The following TCERG1L variants were observed in gnomAD, a reference collection of about 807,000 sequenced individuals.
TCERG1L encodes transcription elongation regulator 1-like protein.
Under a neutral mutation model 56.3 loss-of-function variants are expected in TCERG1L, and 37 were observed. That is an observed-to-expected ratio of 0.66 (90% CI 0.51 to 0.87). The LOEUF (loss-of-function observed/expected upper bound fraction) is 0.87. TCERG1L is among the 40% of genes least tolerant of loss of function. The pLI is 0.00. For synonymous variants in TCERG1L, 324 were observed against 326.3 expected, an observed-to-expected ratio of 0.99 and a Z score of 0.08; for missense variants, 799 against 774.2, an observed-to-expected ratio of 1.03 and a Z score of -0.38.
intron 4 of TCERG1L, among the ~76,000 whole-genome samples, chr10:131,247,618 TG>T (rs1475598815): frequency 3.9e-5 from 6 of 152,300 alleles, no homozygotes; most frequent in African/African-American, 1.4e-4. Flanking sequence ...AAAAGAACCC[TG>T]GAAGAATAAC....
At chr10:131,292,802 G>A (rs1490367475) in intron 3 of TCERG1L, among the ~76,000 whole-genome samples, 5 of 149,960 alleles carry the variant, frequency 3.3e-5, no homozygotes, top group Non-Finnish European at 5.9e-5. Context: ...TTTTTTTCAT[G>A]TAATGTGTTT....
chr10:131,291,199 T>G (rs1846617056), intron 3 of TCERG1L, among the ~76,000 whole-genome samples: 1 of 152,082 alleles, frequency 6.6e-6, no homozygotes, highest in Non-Finnish European at 1.5e-5. Flanking sequence ...CTGTCATATA[T>G]AACAATGATT....
At chr10:131,274,433 A>G (rs559213451) in intron 3 of TCERG1L, among the ~76,000 whole-genome samples, 1 of 152,302 alleles carries the variant, frequency 6.6e-6, no homozygotes, top group Non-Finnish European at 1.5e-5. Context: ...TCTTGGCTTT[A>G]GGACTCTTTC....
intron 5 of TCERG1L, among the ~76,000 whole-genome samples, 194 bp downstream of exon 5, chr10:131,166,603 G>C (rs1272754541): frequency 6.6e-6 from 1 of 152,234 alleles, no homozygotes; most frequent in Non-Finnish European, 1.5e-5. Flanking sequence ...AGATCTGGCA[G>C]GACCAGCAAG....
chr10:131,130,611 C>A (rs1282974207), intron 8 of TCERG1L, among the ~76,000 whole-genome samples: 2 of 152,240 alleles, frequency 1.3e-5, no homozygotes, highest in African/African-American at 2.4e-5. Flanking sequence ...AAGTGATGAT[C>A]ACGCTGAAGA....
chr10:131,185,663 G>C (rs974681068), intron 4 of TCERG1L, among the ~76,000 whole-genome samples: 1 of 152,058 alleles, frequency 6.6e-6, no homozygotes, highest in African/African-American at 2.4e-5. Flanking sequence ...AGTTGCTAGG[G>C]AAATGCAAAA....
intron 4 of TCERG1L, among the ~76,000 whole-genome samples, chr10:131,197,267 C>T (rs927526444): frequency 2.6e-5 from 4 of 151,956 alleles, no homozygotes; most frequent in Non-Finnish European, 5.9e-5. Flanking sequence ...GTGCAAGCTC[C>T]GCCTCCCAGG....
At chr10:131,275,530 G>A (rs1401126211) in intron 3 of TCERG1L, among the ~76,000 whole-genome samples, 2 of 152,138 alleles carry the variant, frequency 1.3e-5, no homozygotes, top group Non-Finnish European at 2.9e-5. Context: ...CAGGAGAACA[G>A]ATTGCTGTGA....
At chr10:131,147,994 C>T (rs893921793) in intron 6 of TCERG1L, among the ~76,000 whole-genome samples, 5 of 152,258 alleles carry the variant, frequency 3.3e-5, no homozygotes, top group African/African-American at 4.8e-5. Flanking sequence ...CAACCCTGGG[C>T]AGACCAGGAC....
intron 4 of TCERG1L, among the ~76,000 whole-genome samples, chr10:131,178,440 G>T (rs1845135262): frequency 6.6e-6 from 1 of 152,308 alleles, no homozygotes; most frequent in Middle Eastern, 3.4e-3. Flanking sequence ...AGCTTGAAAG[G>T]TCTACCAGAT....
intron 6 of TCERG1L, among the ~76,000 whole-genome samples, chr10:131,157,746 G>A (rs1283358859): frequency 1.3e-5 from 2 of 152,200 alleles, no homozygotes; most frequent in Non-Finnish European, 2.9e-5. Context: ...GTCTTCTCTA[G>A]AGGAGGACCG....
intron 3 of TCERG1L, among the ~76,000 whole-genome samples, chr10:131,302,621 T>C (rs897062182): frequency 6.9e-6 from 1 of 145,058 alleles, no homozygotes; most frequent in Non-Finnish European, 1.5e-5. Flanking sequence ...TTTTTTTTTT[T>C]TCTCAATTTT....
At position 131,163,128 on chromosome 10, in the gene TCERG1L, G is replaced by T; in HGVS notation, c.1028C>A (p.Ser343Tyr). The change falls in exon 6 of 12, where the codon TCC becomes TAC. Residue 343 changes from serine (S) to tyrosine (Y), a missense_variant. Transcript: ENST00000368642. ...RPVASTPVPG[S>Y]PWCVVWTGDD... ...AGGCTTTGGGGTGTCTTACCAGGGGGATCCGGGCACCGGGGTGGAGGCCAC... is the reference window on the plus strand; with the variant it reads ...AGGCTTTGGGGTGTCTTACCAGGGGTATCCGGGCACCGGGGTGGAGGCCAC... 6.3e-7 allele frequency: 1 copy of T among 1,575,232 alleles called. No homozygotes were observed. Among genetic ancestry groups the T allele is most frequent in the Non-Finnish European group, 8.6e-7 (1 of 1,160,680 alleles).
In TCERG1L at chr10:131,308,432, G is replaced by A. The variant is rs1846838921; in HGVS notation, c.490-41C>T. 1.9e-6 allele frequency: 3 copies of A among 1,559,488 alleles called. No individual in the cohort carries two copies. The South Asian group carries it at 3.4e-5, about 18-fold the overall frequency. Reference sequence around the variant, plus strand: ...GCAAGCATAACACTGAAGGCAAGGTGCATGATAAAAGCTGAGCATGACCAT... The same window carrying A: ...GCAAGCATAACACTGAAGGCAAGGTACATGATAAAAGCTGAGCATGACCAT... On this transcript the variant is annotated intron_variant, in intron 2 of 11. Transcript: ENST00000368642.
chr10:131,233,435 CAT>C (rs201102643), intron 4 of TCERG1L, among the ~76,000 whole-genome samples: 9,121 of 152,024 alleles, frequency 0.06, 345 homozygotes, highest in Middle Eastern at 0.15. Flanking sequence ...TATATACACA[CAT>C]ATGCATACAC....
chr10:131,279,142 T>C (rs1410609496), intron 3 of TCERG1L, among the ~76,000 whole-genome samples: 1 of 152,160 alleles, frequency 6.6e-6, no homozygotes, highest in Non-Finnish European at 1.5e-5. Flanking sequence ...ATGGGAGCCC[T>C]AGATTAGATG....
rs1297634967 is a variant in TCERG1L, at chr10:131,113,444, C to T, written c.1395+3355G>A. On this transcript the variant is annotated intron_variant, in intron 9 of 11. Coordinates refer to ENST00000368642, the MANE Select transcript of TCERG1L (RefSeq NM_174937.4). ...GGAGGGAAGGGCACCAGATGTTACT[C>T]ATCCGGGGAGACGGACAGGGCAAGG... Among the ~76,000 whole-genome samples, 4 of 142,210 alleles carry T rather than the reference C, an allele frequency of 2.8e-5. 1 individual carries two copies. The highest frequency in any genetic ancestry group is 1.4e-4 in the Admixed American group (2 of 14,464). 93.3% of individuals were successfully genotyped at this position (142,210 alleles called of 152,430 possible).
chr10:131,149,303 C>T (rs1046468569), intron 6 of TCERG1L, among the ~76,000 whole-genome samples: 2 of 100,508 alleles, frequency 2.0e-5, no homozygotes, highest in Non-Finnish European at 2.7e-5. Context: ...TGGCCAACTA[C>T]AGCAGACTCC....
chr10:131,178,212 C>CT (rs1845129350), intron 4 of TCERG1L, among the ~76,000 whole-genome samples: 1 of 152,078 alleles, frequency 6.6e-6, no homozygotes, highest in Non-Finnish European at 1.5e-5. Context: ...TTTGCCTTTA[C>CT]TAGAATTGCA....
Sources: gnomAD v4.1 joint callset for allele counts (sites outside exome capture counted in the v4.1 genomes callset) on GRCh38, gnomAD v4.1.1 for gene constraint, MANE v1.5 for transcripts, NCBI Gene and HGNC (gene_info 2026-07-23, HGNC 2026-07-21) for gene names.